RGS6: variants seen among roughly 807,000 people sequenced by gnomAD.
RGS6 encodes the protein regulator of G-protein signaling 6.
In RGS6, 30 loss-of-function variants were observed where a neutral mutation model predicts 78.5. The ratio of observed to expected loss-of-function variants is 0.38; its 90% confidence interval spans 0.29 to 0.52. RGS6 has a LOEUF of 0.52. RGS6 is among the 20% of genes least tolerant of loss of function. The pLI is 0.85. For missense variants in RGS6, 495 were observed against 609.7 expected (o/e 0.81, Z 1.98); for synonymous variants, 206 against 206.0 (o/e 1.00, Z 0.00).
chr14:72,389,366 C>T (rs964353464), intron 3 of RGS6, among the ~76,000 whole-genome samples: 4 of 152,148 alleles, frequency 2.6e-5, no homozygotes, highest in African/African-American at 9.7e-5. Flanking sequence ...AATAAATGAC[C>T]TTCTGAGAGT....
At chr14:72,524,494 T>C (rs1045382349) in intron 15 of RGS6, among the ~76,000 whole-genome samples, 1 of 152,246 alleles carries the variant, frequency 6.6e-6, no homozygotes, top group Non-Finnish European at 1.5e-5. Context: ...TCACAGGCTC[T>C]AGATGAGATA....
At chr14:72,206,805 C>A (rs2042826577) in intron 2 of RGS6, among the ~76,000 whole-genome samples, 1 of 152,160 alleles carries the variant, frequency 6.6e-6, no homozygotes, top group Non-Finnish European at 1.5e-5. Flanking sequence ...GTAGGAGTTA[C>A]AATTCAAGAT....
the RGS6 span, among the ~76,000 whole-genome samples, chr14:71,914,718 A>T: frequency 1.9e-4 from 29 of 151,870 alleles, 1 homozygote; most frequent in Non-Finnish European, 2.6e-4. Flanking sequence ...AGTGTTTTTT[A>T]AAAAAACACT....
intron 13 of RGS6, among the ~76,000 whole-genome samples, chr14:72,502,694 G>A (rs1306627103): frequency 1.3e-5 from 2 of 152,186 alleles, no homozygotes; most frequent in Non-Finnish European, 2.9e-5. Flanking sequence ...AACCTGGGAG[G>A]CGGAGGTTGC....
At chr14:72,427,874 G>A (rs986943898) in intron 3 of RGS6, among the ~76,000 whole-genome samples, 2 of 152,142 alleles carry the variant, frequency 1.3e-5, no homozygotes, top group Non-Finnish European at 2.9e-5. Flanking sequence ...GAATATACAA[G>A]CCAAAATAAT....
At chr14:71,950,526 A>G (rs1399154370) in intron 1 of RGS6, among the ~76,000 whole-genome samples, 1 of 152,212 alleles carries the variant, frequency 6.6e-6, no homozygotes, top group Non-Finnish European at 1.5e-5. Flanking sequence ...AGATTTCATG[A>G]CAAAAACATC....
chr14:71,965,904 A>G (rs1019691466), intron 2 of RGS6, among the ~76,000 whole-genome samples: 1 of 152,216 alleles, frequency 6.6e-6, no homozygotes, highest in Non-Finnish European at 1.5e-5. Flanking sequence ...CTGAAGGAAT[A>G]TAGGCGGCAA....
In RGS6 at chr14:72,246,423, T is replaced by G. The variant is rs115591437; in HGVS notation, c.85-105672T>G. 7.8e-3 allele frequency among the ~76,000 whole-genome samples: 1,189 copies of G among 152,332 alleles called. 10 individuals carry two copies. Among genetic ancestry groups the G allele is most frequent in the African/African-American group, 0.025 (1,056 of 41,556 alleles). On this transcript the variant is annotated intron_variant, in intron 2 of 17. Coordinates refer to ENST00000553525, the MANE Select transcript of RGS6 (RefSeq NM_001204424.2). ...CTTGTAGCATTTATTCCTTTGGACG[T>G]GTTTCTTTTATGCTCTCCTTCTCCC...
intron 17 of RGS6, 64 bp from the exon 18 acceptor site, chr14:72,562,353 C>A: frequency 6.6e-7 from 1 of 1,518,192 alleles, no homozygotes; most frequent in Non-Finnish European, 9.1e-7. Flanking sequence ...ACCTGTCTGG[C>A]TCTCTGTCTC....
chr14:71,906,966 G>A, the RGS6 span, among the ~76,000 whole-genome samples: 1 of 152,198 alleles, frequency 6.6e-6, no homozygotes, highest in Non-Finnish European at 1.5e-5. Context: ...AGAAAATGCT[G>A]TACTTAGATG....
intron 2 of RGS6, among the ~76,000 whole-genome samples, chr14:72,212,317 A>G (rs1253673219): frequency 6.6e-6 from 1 of 152,198 alleles, no homozygotes; most frequent in Non-Finnish European, 1.5e-5. Context: ...ATTGATATTG[A>G]TAACCTAAGC....
intron 2 of RGS6, among the ~76,000 whole-genome samples, chr14:72,309,191 C>G (rs528888699): frequency 6.6e-6 from 1 of 152,302 alleles, no homozygotes; most frequent in African/African-American, 2.4e-5. Flanking sequence ...ATCAAGGCTG[C>G]CCTTTGCTCT....
chr14:72,191,017 G>C (rs149631), intron 2 of RGS6, among the ~76,000 whole-genome samples: 123,898 of 152,084 alleles, frequency 0.81, 50,605 homozygotes, highest in East Asian at 0.94. Flanking sequence ...TGCTCATTTT[G>C]CATGGAAGGT....
chr14:72,171,511 G>C (rs990457439), intron 2 of RGS6, among the ~76,000 whole-genome samples: 1 of 152,194 alleles, frequency 6.6e-6, no homozygotes, highest in African/African-American at 2.4e-5. Flanking sequence ...CACTGTGATC[G>C]AGGTTTTACC....
At chr14:72,226,383 TG>T (rs1357970110) in intron 2 of RGS6, among the ~76,000 whole-genome samples, 1 of 152,250 alleles carries the variant, frequency 6.6e-6, no homozygotes, top group Non-Finnish European at 1.5e-5. Flanking sequence ...GTATATGAGA[TG>T]AAAAATATGA....
chr14:72,213,825 A>G (rs76359216), intron 2 of RGS6, among the ~76,000 whole-genome samples: 10 of 152,308 alleles, frequency 6.6e-5, no homozygotes, highest in Admixed American at 2.0e-4. Context: ...CATTTGGCGT[A>G]TTCTTTAAAA....
At chr14:71,950,046 C>T (rs714975) in intron 1 of RGS6, among the ~76,000 whole-genome samples, 22,217 of 152,048 alleles carry the variant, frequency 0.15, 1,768 homozygotes, top group Non-Finnish European at 0.16. Context: ...ATATTGATAA[C>T]GCACTGTCTT....
intron 2 of RGS6, among the ~76,000 whole-genome samples, chr14:72,227,610 G>A (rs562197510): frequency 1.3e-5 from 2 of 152,094 alleles, no homozygotes; most frequent in Non-Finnish European, 2.9e-5. Flanking sequence ...TTGTAATTTG[G>A]CCTTCAAATA....
At chr14:71,891,287 T>C in the RGS6 span, among the ~76,000 whole-genome samples, 1 of 152,186 alleles carries the variant, frequency 6.6e-6, no homozygotes, top group Non-Finnish European at 1.5e-5. Flanking sequence ...TGGGTGCCTC[T>C]CCCTTAGTTG....
Sources: gnomAD v4.1 joint callset for allele counts (sites outside exome capture counted in the v4.1 genomes callset) on GRCh38, gnomAD v4.1.1 for gene constraint, MANE v1.5 for transcripts, NCBI Gene and HGNC (gene_info 2026-07-23, HGNC 2026-07-21) for gene names.